The following TOX variants were observed in gnomAD, a reference collection of about 807,000 sequenced individuals.
The protein encoded by TOX is thymocyte selection associated high mobility group box, also known as thymocyte selection-associated high mobility group box protein TOX.
In TOX, 11 loss-of-function variants were observed where a neutral mutation model predicts 53.7. The ratio of observed to expected loss-of-function variants is 0.20; its 90% CI spans 0.13 to 0.34. The LOEUF (loss-of-function observed/expected upper bound fraction) is 0.34. Ranked by LOEUF, TOX falls within the 10% of genes least tolerant of loss-of-function variation. The pLI is 1.00. For synonymous variants in TOX, 225 were observed against 245.3 expected (o/e 0.92, Z 0.77); for missense variants, 570 against 664.6 (o/e 0.86, Z 1.56).
chr8:58,999,468 G>C (rs1281959287), intron 1 of TOX, among the ~76,000 whole-genome samples: 2 of 152,162 alleles, frequency 1.3e-5, no homozygotes, highest in Non-Finnish European at 2.9e-5. Context: ...GGGTTGAAAG[G>C]GTTGTCAAGA....
chr8:58,930,433 C>A (rs1416751922), intron 3 of TOX, among the ~76,000 whole-genome samples: 1 of 152,286 alleles, frequency 6.6e-6, no homozygotes, highest in East Asian at 1.9e-4. Flanking sequence ...CTGTAATGAG[C>A]TCATGAGGCA....
chr8:58,931,825 A>T (rs1812259542), intron 3 of TOX, among the ~76,000 whole-genome samples: 1 of 152,124 alleles, frequency 6.6e-6, no homozygotes, highest in Non-Finnish European at 1.5e-5. Context: ...ATTTGTATGA[A>T]CTCAAGGGTT....
chr8:58,861,340 T>C (rs1011547178), intron 3 of TOX, among the ~76,000 whole-genome samples: 3 of 152,116 alleles, frequency 2.0e-5, no homozygotes, highest in African/African-American at 7.2e-5. Context: ...ATTACATCTC[T>C]GGTAAGGGGA....
intron 1 of TOX, among the ~76,000 whole-genome samples, chr8:58,973,385 C>T (rs1389012100): frequency 6.6e-6 from 1 of 152,142 alleles, no homozygotes; most frequent in Non-Finnish European, 1.5e-5. Context: ...ATAAACAGTA[C>T]TTTTAAAAAA....
chr8:59,005,780 T>C (rs981818118), intron 1 of TOX, among the ~76,000 whole-genome samples: 2 of 152,230 alleles, frequency 1.3e-5, no homozygotes, highest in African/African-American at 4.8e-5. Flanking sequence ...TTTTCTCCAC[T>C]CTACTGCAGT....
intron 3 of TOX, among the ~76,000 whole-genome samples, chr8:58,905,947 C>T (rs112556583): frequency 0.016 from 2,365 of 152,240 alleles, 56 homozygotes; most frequent in African/African-American, 0.054. Context: ...CATTGTGAGA[C>T]CACTTTCCTT....
chr8:59,004,059 T>A (rs191641901), intron 1 of TOX, among the ~76,000 whole-genome samples: 1 of 152,344 alleles, frequency 6.6e-6, no homozygotes, highest in Non-Finnish European at 1.5e-5. Flanking sequence ...GAGCAGAATC[T>A]TCAGACATAA....
At chr8:59,068,173 G>A (rs902331393) in intron 1 of TOX, among the ~76,000 whole-genome samples, 6 of 152,070 alleles carry the variant, frequency 3.9e-5, no homozygotes, top group African/African-American at 1.2e-4. Flanking sequence ...GAAGATCCTT[G>A]TATTTTATTG....
chr8:58,981,879 C>T (rs1236824321), intron 1 of TOX, among the ~76,000 whole-genome samples: 1 of 152,186 alleles, frequency 6.6e-6, no homozygotes, highest in Non-Finnish European at 1.5e-5. Context: ...CTCCTGGTAA[C>T]TTGCCCCATC....
chr8:58,867,494 C>T (rs551879953), intron 3 of TOX, among the ~76,000 whole-genome samples: 52 of 152,330 alleles, frequency 3.4e-4, no homozygotes, highest in Non-Finnish European at 6.3e-4. Context: ...CTCTAAGAGG[C>T]TTTCCCGGAC....
intron 1 of TOX, among the ~76,000 whole-genome samples, chr8:58,970,061 G>A (rs758266658): frequency 1.3e-5 from 2 of 152,088 alleles, no homozygotes; most frequent in South Asian, 2.1e-4. Flanking sequence ...GATAAAAAAT[G>A]TGATATCATT....
rs1810022754 is a variant in TOX at position 58,808,268 on chromosome 8, C to A, written c.1394G>T (p.Gly465Val). 1.2e-6 allele frequency: 2 copies of A among 1,604,448 alleles called. No individual in the cohort carries two copies. The highest frequency in any genetic ancestry group is 2.2e-5 in the South Asian group (2 of 88,904). ...SALHSPTMQQGFTLQPDYQTI... is the reference protein window; with the variant it reads ...SALHSPTMQQVFTLQPDYQTI... ...CTGATAGTCGGGTTGAAGAGTAAAT[C>A]CCTGAAAGGGAAAGCAAGTCCGCAA... Residue 465 changes from glycine (G) to valine (V), a missense_variant and splice_region_variant, in exon 8 of 9, where the codon GGA becomes GTA. By Grantham distance (109) the Gly-to-Val change is moderately radical. This residue lies in a region of TOX where 239 missense variants were observed against 250.7 expected (regional missense o/e 0.95). Coordinates refer to ENST00000361421, the MANE Select transcript of TOX (RefSeq NM_014729.3).
At chr8:59,078,764 T>C (rs939550750) in intron 1 of TOX, among the ~76,000 whole-genome samples, 1 of 151,882 alleles carries the variant, frequency 6.6e-6, no homozygotes. Context: ...TGGACAGAGG[T>C]TGGAACAGTT....
At chr8:59,003,453 A>AT (rs1428834885) in intron 1 of TOX, among the ~76,000 whole-genome samples, 1 of 152,232 alleles carries the variant, frequency 6.6e-6, no homozygotes, top group Non-Finnish European at 1.5e-5. Context: ...AACGAGTGAC[A>AT]TAAGGAAGAG....
chr8:58,960,179 T>G (rs887564007), intron 1 of TOX, among the ~76,000 whole-genome samples, 171 bp from the exon 2 acceptor site: 12 of 152,184 alleles, frequency 7.9e-5, no homozygotes, highest in Non-Finnish European at 1.5e-4. Flanking sequence ...ATCTTTGATG[T>G]TTCTGTTGTC....
At chr8:59,013,889 G>C (rs1479021203) in intron 1 of TOX, among the ~76,000 whole-genome samples, 2 of 152,180 alleles carry the variant, frequency 1.3e-5, no homozygotes, top group Non-Finnish European at 2.9e-5. Context: ...AGAAAATTAA[G>C]AAGCACTTTA....
chr8:58,949,971 A>C (rs1355145781), intron 2 of TOX, among the ~76,000 whole-genome samples: 2 of 70,650 alleles, frequency 2.8e-5, no homozygotes, highest in African/African-American at 1.1e-4. Flanking sequence ...ACATGTGTAT[A>C]GTTCATATAC....
intron 1 of TOX, among the ~76,000 whole-genome samples, chr8:59,016,883 G>A (rs1008283582): frequency 2.0e-5 from 3 of 152,190 alleles, no homozygotes; most frequent in African/African-American, 7.2e-5. Context: ...TTCTACTTAT[G>A]ACTTTTATAG....
chr8:58,936,285 C>T (rs1429009724), intron 3 of TOX, among the ~76,000 whole-genome samples: 2 of 152,136 alleles, frequency 1.3e-5, no homozygotes, highest in East Asian at 1.9e-4. Context: ...TCCTTCAAGC[C>T]GTGACGGCTG....
Sources: gnomAD v4.1 joint callset for allele counts (sites outside exome capture counted in the v4.1 genomes callset) on GRCh38, gnomAD v4.1.1 for gene constraint, gnomAD v4.1.1 regional missense constraint, MANE v1.5 for transcripts, NCBI Gene and HGNC (gene_info 2026-07-23, HGNC 2026-07-21) for gene names.